GOLM2: variants seen among roughly 807,000 people sequenced by gnomAD.
The protein encoded by GOLM2 is protein GOLM2.
In GOLM2, 26 loss-of-function variants were observed where a neutral mutation model predicts 55.9. That is an observed-to-expected ratio of 0.47 (90% CI 0.34 to 0.65). The LOEUF is 0.65. Among genes scored for constraint, GOLM2 ranks in the 30% least tolerant of loss-of-function variants. GOLM2 has a pLI of 0.01. For synonymous variants in GOLM2, 165 were observed against 194.6 expected (o/e 0.85, Z 1.27); for missense variants, 486 against 531.8 (o/e 0.91, Z 0.85).
At chr15:44,331,319 A>G (rs894914129) in intron 3 of GOLM2, among the ~76,000 whole-genome samples, 3 of 152,138 alleles carry the variant, frequency 2.0e-5, no homozygotes, top group Non-Finnish European at 4.4e-5. Context: ...GCCTAGCCAC[A>G]TATAAGAAGT....
intron 8 of GOLM2, among the ~76,000 whole-genome samples, chr15:44,399,910 G>C (rs2079553489): frequency 6.6e-6 from 1 of 151,770 alleles, no homozygotes; most frequent in Admixed American, 6.6e-5. Context: ...CAGGAGAATT[G>C]CTTGAACCCA....
In GOLM2 at chr15:44,415,039, T is replaced by C. The variant is rs1235663369; in HGVS notation, c.*1633T>C. 1 of 152,624 alleles carries C rather than the reference T, an allele frequency of 6.6e-6. No homozygotes were observed. Among genetic ancestry groups the C allele is most frequent in the Non-Finnish European group, 1.5e-5 (1 of 68,024 alleles). 9.5% of individuals were successfully genotyped at this position (152,624 alleles called of 1,614,324 possible). On this transcript the variant is annotated 3_prime_UTR_variant, in exon 10 of 10. Transcript: ENST00000299957. ...CATAAACATGAAATGTGTTTTCCCC[T>C]GTGTACTAACACATTCTAGGCAAAA...
In GOLM2 at chr15:44,295,211, C is replaced by G. The variant is rs1382663412; in HGVS notation, c.327+5855C>G. Among the ~76,000 whole-genome samples, 3 of 152,092 alleles carry G rather than the reference C, an allele frequency of 2.0e-5. No homozygotes were observed. In the East Asian group the frequency reaches 5.8e-4, roughly 29 times the overall value. ...TCTCCTGCCTCATCCTCCTGAGTAG[C>G]TGAGACTACAGGTGCATGCCACCAT... On this transcript the variant is annotated intron_variant, in intron 1 of 9. Coordinates refer to ENST00000299957, the MANE Select transcript of GOLM2 (RefSeq NM_138423.4).
chr15:44,385,892 G>A (rs2079440977), intron 8 of GOLM2, among the ~76,000 whole-genome samples: 1 of 152,022 alleles, frequency 6.6e-6, no homozygotes, highest in African/African-American at 2.4e-5. Context: ...TATTTGTCTT[G>A]GTTGTTGAGT....
intron 6 of GOLM2, among the ~76,000 whole-genome samples, chr15:44,364,535 CA>C (rs939760537): frequency 1.4e-5 from 2 of 146,792 alleles, no homozygotes; most frequent in Admixed American, 6.8e-5. Context: ...GACTCCATCT[CA>C]AAAAAAAAAC....
In GOLM2 at chr15:44,367,513, C is replaced by T. The variant is rs931181687; in HGVS notation, c.803-12177C>T. On this transcript the variant is annotated intron_variant, in intron 6 of 9. Transcript: ENST00000299957. ...TTTAGCATGTTAAAAGATGCAGTTC[C>T]GGCGGGGCGCAGTGGCTCATGCCTG... Among the ~76,000 whole-genome samples, 9 of 151,978 alleles carry T rather than the reference C, an allele frequency of 5.9e-5. No individual in the cohort carries two copies. In the East Asian group the frequency reaches 9.6e-4, roughly 16 times the overall value.
At chr15:44,374,981 G>A (rs1321356607) in intron 6 of GOLM2, among the ~76,000 whole-genome samples, 3 of 152,044 alleles carry the variant, frequency 2.0e-5, no homozygotes, top group Non-Finnish European at 2.9e-5. Context: ...GAAGAGGACC[G>A]GGTTAAAATA....
chr15:44,386,301 A>G (rs2079443378), intron 8 of GOLM2, among the ~76,000 whole-genome samples: 1 of 152,216 alleles, frequency 6.6e-6, no homozygotes. Flanking sequence ...TTCATTTCCC[A>G]TTGAACAATC....
At chr15:44,379,638 T>TTTTAAA in intron 6 of GOLM2, 52 bp from the exon 7 acceptor site, 11 of 709,992 alleles carry the variant, frequency 1.5e-5, no homozygotes, top group East Asian at 2.8e-5. Context: ...TTTTTTTTTT[T>TTTTAAA]AGAAATCATA....
intron 1 of GOLM2, among the ~76,000 whole-genome samples, chr15:44,293,046 C>G (rs748763290): frequency 6.6e-6 from 1 of 152,098 alleles, no homozygotes; most frequent in African/African-American, 2.4e-5. Flanking sequence ...CAGTTCCTGG[C>G]CTGAAGTGAT....
intron 5 of GOLM2, 33 bp from the exon 6 acceptor site, chr15:44,338,204 C>A (rs767414900): frequency 1.3e-6 from 2 of 1,570,528 alleles, no homozygotes; most frequent in Non-Finnish European, 1.7e-6. Flanking sequence ...GTAAGAAAAA[C>A]GATAGAATTC....
At chr15:44,338,663 G>A (rs990963804) in intron 6 of GOLM2, among the ~76,000 whole-genome samples, 2 of 152,174 alleles carry the variant, frequency 1.3e-5, no homozygotes, top group African/African-American at 4.8e-5. Context: ...AATGTGCCCA[G>A]ATTCCTGTGT....
intron 1 of GOLM2, among the ~76,000 whole-genome samples, chr15:44,294,795 C>T (rs2078745268): frequency 6.7e-6 from 1 of 149,424 alleles, no homozygotes; most frequent in South Asian, 2.1e-4. Flanking sequence ...ATCCCAGCTA[C>T]TTGGGAGGAG....
chr15:44,407,771 CTT>C (rs1237254216), intron 9 of GOLM2, among the ~76,000 whole-genome samples: 54 of 135,736 alleles, frequency 4.0e-4, no homozygotes, highest in Admixed American at 3.7e-4. Flanking sequence ...TTTCTTTTAT[CTT>C]TTTTTTTTTT....
intron 6 of GOLM2, among the ~76,000 whole-genome samples, chr15:44,343,582 T>G (rs771673925): frequency 6.6e-6 from 1 of 151,840 alleles, no homozygotes; most frequent in South Asian, 2.1e-4. Flanking sequence ...TCCCAGCACT[T>G]TAGGAGGCTG....
chr15:44,327,963 C>T (rs1299927145), intron 2 of GOLM2, among the ~76,000 whole-genome samples: 1 of 152,112 alleles, frequency 6.6e-6, no homozygotes, highest in African/African-American at 2.4e-5. Context: ...TGATTGGCAC[C>T]TATGTTGGTA....
At chr15:44,391,507 A>C (rs1412378070) in intron 8 of GOLM2, among the ~76,000 whole-genome samples, 1 of 150,200 alleles carries the variant, frequency 6.7e-6, no homozygotes, top group Non-Finnish European at 1.5e-5. Context: ...ACAAAGTGAG[A>C]CTCCATCTCA....
intron 1 of GOLM2, among the ~76,000 whole-genome samples, chr15:44,292,685 A>G (rs916290229): frequency 2.0e-5 from 3 of 151,942 alleles, no homozygotes; most frequent in Admixed American, 1.3e-4. Context: ...GGCTATAACA[A>G]CTTTCTTGGG....
At chr15:44,324,905 G>A (rs1035842174) in intron 2 of GOLM2, among the ~76,000 whole-genome samples, 3 of 152,022 alleles carry the variant, frequency 2.0e-5, no homozygotes, top group Non-Finnish European at 4.4e-5. Context: ...AACCTGACTC[G>A]TGTTAACTTA....
Sources: allele counts gnomAD v4.1 joint callset (sites outside exome capture counted in the v4.1 genomes callset), GRCh38; gene constraint gnomAD v4.1.1; transcripts MANE v1.5; gene names NCBI Gene and HGNC (gene_info 2026-07-23, HGNC 2026-07-21).